The following KIAA0586 variants were observed in gnomAD, a reference collection of about 807,000 sequenced individuals.
KIAA0586 encodes the protein protein TALPID3.
Under a neutral mutation model 169.8 loss-of-function variants are expected in KIAA0586, and 144 were observed. That is an observed-to-expected ratio of 0.85 (90% confidence interval 0.74 to 0.97). The LOEUF is 0.97. Among genes scored for constraint, KIAA0586 ranks in the 50% least tolerant of loss-of-function variants. The probability of loss-of-function intolerance (pLI) is 0.00; values close to 1 mark genes in which losing one functional copy is unlikely to be tolerated. For missense variants in KIAA0586, 1,854 were observed against 1,823.0 expected (o/e 1.02, Z -0.31); for synonymous variants, 625 against 612.4 (o/e 1.02, Z -0.30).
chr14:58,433,012 T>C (rs978588347), intron 4 of KIAA0586: 1 of 152,112 alleles, frequency 6.6e-6, no homozygotes, highest in African/African-American at 2.4e-5. Flanking sequence ...CAGTGCGCCC[T>C]GTGGTTAATT....
chr14:58,455,853 A>T (rs1049075724), intron 9 of KIAA0586, among the ~76,000 whole-genome samples: 1 of 152,168 alleles, frequency 6.6e-6, no homozygotes, highest in African/African-American at 2.4e-5. Flanking sequence ...GGGCATGTAC[A>T]TAGCCCTGTA....
intron 27 of KIAA0586, among the ~76,000 whole-genome samples, chr14:58,504,404 A>G (rs1452780723): frequency 6.6e-6 from 1 of 152,174 alleles, no homozygotes; most frequent in Non-Finnish European, 1.5e-5. Flanking sequence ...GAGAGCGAAT[A>G]TGGAGGAAGG....
At chr14:58,468,102 A>G (rs1367839910) in intron 16 of KIAA0586, among the ~76,000 whole-genome samples, 180 bp downstream of exon 16, 1 of 152,128 alleles carries the variant, frequency 6.6e-6, no homozygotes, top group African/African-American at 2.4e-5. Flanking sequence ...CTGGAGGGCA[A>G]TGGCGCAATC....
chr14:58,440,304 CTT>C, intron 4 of KIAA0586: 1 of 356,324 alleles, frequency 2.8e-6, no homozygotes, highest in East Asian at 1.1e-4. Flanking sequence ...CTCTCTCTCT[CTT>C]CCTCCCTCCC....
chr14:58,471,937 A>G (rs1322292849), intron 17 of KIAA0586, among the ~76,000 whole-genome samples: 1 of 152,128 alleles, frequency 6.6e-6, no homozygotes, highest in Admixed American at 6.5e-5. Context: ...CAACCTGTTG[A>G]TCAATTAAGT....
chr14:58,558,477 G>A, the KIAA0586 span, among the ~76,000 whole-genome samples: 2 of 152,294 alleles, frequency 1.3e-5, no homozygotes, highest in South Asian at 4.1e-4. Flanking sequence ...ATAAATTGTT[G>A]TATAAGGGTG....
Position 58,439,936 on chromosome 14 carries a change from G to A in KIAA0586, c.411-2770G>A, listed in dbSNP as rs909289992. 15 of 432,664 alleles carry A rather than the reference G, an allele frequency of 3.5e-5. No homozygotes were observed. In the East Asian group the frequency reaches 1.6e-3, roughly 45 times the overall value. 26.8% of individuals were successfully genotyped at this position (432,664 alleles called of 1,614,324 possible). ...ATTGTTTTCTTTGAGGCCAAATACCGAGCAAATTGGCTAGCCTTCTTTTTT... is the reference window on the plus strand; with the variant it reads ...ATTGTTTTCTTTGAGGCCAAATACCAAGCAAATTGGCTAGCCTTCTTTTTT... On this transcript the variant is annotated intron_variant, in intron 4 of 30. Coordinates refer to ENST00000652326, the MANE Select transcript of KIAA0586 (RefSeq NM_001329943.3).
At chr14:58,560,280 CAT>C in the KIAA0586 span, among the ~76,000 whole-genome samples, 1 of 152,076 alleles carries the variant, frequency 6.6e-6, no homozygotes, top group Non-Finnish European at 1.5e-5. Flanking sequence ...GGAAACTTCA[CAT>C]GTTTCTTGAG....
intron 25 of KIAA0586, among the ~76,000 whole-genome samples, chr14:58,491,069 G>T (rs2042808622): frequency 6.6e-6 from 1 of 152,034 alleles, no homozygotes; most frequent in African/African-American, 2.4e-5. Context: ...GAAATAATAT[G>T]GGAAGAAGGC....
chr14:58,439,857 C>A, intron 4 of KIAA0586: 1 of 982,082 alleles, frequency 1.0e-6, no homozygotes, highest in Non-Finnish European at 1.2e-6. Flanking sequence ...GTATTCCTGC[C>A]AATTTTACTT....
At chr14:58,440,498 A>AT (rs1350403388) in intron 4 of KIAA0586, among the ~76,000 whole-genome samples, 1 of 151,998 alleles carries the variant, frequency 6.6e-6, no homozygotes, top group African/African-American at 2.4e-5. Context: ...CGCCTGGCTA[A>AT]TTTTTTGTAT....
chr14:58,511,151 C>CT (rs1258431754), intron 28 of KIAA0586, among the ~76,000 whole-genome samples: 2 of 152,074 alleles, frequency 1.3e-5, no homozygotes, highest in East Asian at 1.9e-4. Flanking sequence ...CTCAATAAAA[C>CT]TTTAACAATA....
In KIAA0586 at chr14:58,438,205, C is replaced by A. The variant is rs1351422435; in HGVS notation, c.411-4501C>A. 2.0e-5 allele frequency among the ~76,000 whole-genome samples: 3 copies of A among 152,010 alleles called. No homozygotes were observed. In the South Asian group the frequency reaches 6.2e-4, roughly 32 times the overall value. ...TGCTTCTTAATGGGAGGGTTATGTG[C>A]ATTTTTTTGACATTTATATGTCGTA... is the stretch of plus-strand genomic sequence containing the variant. On this transcript the variant is annotated intron_variant, in intron 4 of 30. Transcript: ENST00000652326.
At chr14:58,526,803 G>C (rs1767387916) in intron 29 of KIAA0586, among the ~76,000 whole-genome samples, 1 of 152,090 alleles carries the variant, frequency 6.6e-6, no homozygotes, top group Non-Finnish European at 1.5e-5. Flanking sequence ...CTTCAAATTA[G>C]CTCTGGAAAG....
At chr14:58,427,691 A>C (rs1011624237), upstream of KIAA0586, 15 of 1,535,262 alleles carry the variant, frequency 9.8e-6, no homozygotes, top group Non-Finnish European at 7.0e-6. Context: ...TTTGAAGGGA[A>C]GTGGGTGTTG....
rs1305545882 is a variant in KIAA0586, at chr14:58,461,833, GC to G, written c.2059+674del. Among the ~76,000 whole-genome samples, 8 of 152,234 alleles carry G rather than the reference GC, an allele frequency of 5.3e-5. No homozygotes were observed. The East Asian group carries it at 9.6e-4, about 18-fold the overall frequency. Reference sequence around the variant, plus strand: ...GTAGAAAGGTGAAAACTTTTTTGTTGCTTTTGTGCACAACTGAAAACATCTT... The same window carrying G: ...GTAGAAAGGTGAAAACTTTTTTGTTGTTTTGTGCACAACTGAAAACATCTT... On this transcript the variant is annotated intron_variant, in intron 14 of 30. Transcript: ENST00000652326.
chr14:58,560,660 C>T, the KIAA0586 span, among the ~76,000 whole-genome samples: 1 of 152,142 alleles, frequency 6.6e-6, no homozygotes, highest in East Asian at 1.9e-4. Flanking sequence ...GTCCTTAACT[C>T]AGGAAACAAA....
chr14:58,429,373 C>G lies in KIAA0586; in HGVS notation c.210C>G (p.Asp70Glu). ...SLNGTSRGSS[D>E]LTSARNCYQP... ...CCTTTGTTTTGTTAGGTTCATCAGA[C>G]TTAACTTCTGCTAGAAATTGTTACC... Residue 70 changes from aspartate to glutamate, a missense_variant, in exon 2 of 31, where the codon GAC becomes GAG. Coordinates refer to ENST00000652326, the MANE Select transcript of KIAA0586 (RefSeq NM_001329943.3). The G allele has an allele frequency of 6.3e-7, 1 of 1,589,974 alleles. No homozygotes were observed. Among genetic ancestry groups the G allele is most frequent in the Non-Finnish European group, 8.6e-7 (1 of 1,158,300 alleles).
chr14:58,510,877 A>C (rs187219580), intron 28 of KIAA0586, among the ~76,000 whole-genome samples: 367 of 152,204 alleles, frequency 2.4e-3, no homozygotes, highest in East Asian at 0.011. Context: ...AAAAAAAAAA[A>C]CACTGATTTT....
Sources: gnomAD v4.1 joint callset for allele counts (sites outside exome capture counted in the v4.1 genomes callset) on GRCh38, gnomAD v4.1.1 for gene constraint, MANE v1.5 for transcripts, NCBI Gene and HGNC (gene_info 2026-07-23, HGNC 2026-07-21) for gene names.